The following CSMD3 variants were observed in gnomAD, a reference collection of about 807,000 sequenced individuals.
The protein encoded by CSMD3 is CUB and sushi domain-containing protein 3.
CSMD3 carries 177 observed loss-of-function variants against 435.2 expected under a neutral mutation model. That is an observed-to-expected ratio of 0.41 (90% CI 0.36 to 0.46). The LOEUF is 0.46. Among genes scored for constraint, CSMD3 ranks in the 20% least tolerant of loss-of-function variants. CSMD3 has a pLI of 0.34. For missense variants in CSMD3, 4,265 were observed against 4,504.6 expected (o/e 0.95, Z 1.52); for synonymous variants, 1,656 against 1,520.5 (o/e 1.09, Z -2.07).
chr8:113,112,991 C>G (rs971185736), intron 4 of CSMD3, among the ~76,000 whole-genome samples: 6 of 152,132 alleles, frequency 3.9e-5, no homozygotes, highest in South Asian at 2.1e-4. Flanking sequence ...ACAAAAAGGC[C>G]TATTTATCCC....
chr8:112,800,373 G>GA (rs773138854), intron 12 of CSMD3, 99 bp from the exon 13 acceptor site: 131 of 846,918 alleles, frequency 1.5e-4, no homozygotes, highest in Non-Finnish European at 2.3e-4. Flanking sequence ...TTCTTTGCTA[G>GA]AAAAAAAAGT....
intron 13 of CSMD3, among the ~76,000 whole-genome samples, chr8:112,760,248 T>TTTTTTTTA (rs766805098): frequency 3.3e-5 from 5 of 152,176 alleles, no homozygotes; most frequent in Non-Finnish European, 7.4e-5. Flanking sequence ...TGAATTAATA[T>TTTTTTTTA]GTACTTTTTA....
At chr8:113,090,372 ATT>A (rs1213674587) in intron 5 of CSMD3, among the ~76,000 whole-genome samples, 1 of 152,090 alleles carries the variant, frequency 6.6e-6, no homozygotes, top group Non-Finnish European at 1.5e-5. Flanking sequence ...AATTTGAAAT[ATT>A]TGTTTATTTA....
intron 27 of CSMD3, among the ~76,000 whole-genome samples, chr8:112,537,115 C>T (rs1044298726): frequency 1.3e-5 from 2 of 151,838 alleles, no homozygotes; most frequent in African/African-American, 4.8e-5. Flanking sequence ...CACATGTATA[C>T]ATACGTAACT....
At chr8:112,919,233 T>TTA (rs1031255098) in intron 10 of CSMD3, among the ~76,000 whole-genome samples, 3 of 151,800 alleles carry the variant, frequency 2.0e-5, no homozygotes, top group Non-Finnish European at 4.4e-5. Flanking sequence ...AATACATATG[T>TTA]TATATATATA....
chr8:113,357,058 A>T (rs1000729415), intron 1 of CSMD3, among the ~76,000 whole-genome samples: 4 of 152,210 alleles, frequency 2.6e-5, no homozygotes, highest in Non-Finnish European at 4.4e-5. Flanking sequence ...AAAAATATAT[A>T]TACATACATA....
intron 10 of CSMD3, among the ~76,000 whole-genome samples, chr8:112,892,637 C>T (rs183913249): frequency 6.6e-4 from 100 of 151,586 alleles, no homozygotes; most frequent in Non-Finnish European, 1.3e-3. Flanking sequence ...TTACTGTTCT[C>T]ACTGCTTGCT....
intron 5 of CSMD3, among the ~76,000 whole-genome samples, chr8:113,037,309 A>G (rs536392308): frequency 1.4e-4 from 22 of 152,184 alleles, no homozygotes; most frequent in African/African-American, 4.8e-4. Flanking sequence ...GAAATCACTA[A>G]TAATATCTGT....
At chr8:112,727,283 T>G (rs1016318158) in intron 13 of CSMD3, among the ~76,000 whole-genome samples, 17 of 151,854 alleles carry the variant, frequency 1.1e-4, no homozygotes, top group African/African-American at 3.9e-4. Context: ...GCGTCTGATT[T>G]TCCACAAACT....
chr8:112,885,130 C>T lies in CSMD3; in HGVS notation c.1634-25864G>A, dbSNP rs186586158. 1.4e-3 allele frequency among the ~76,000 whole-genome samples: 219 copies of T among 151,708 alleles called. 1 individual carries two copies. Among genetic ancestry groups the T allele is most frequent in the Non-Finnish European group, 1.9e-3 (128 of 67,830 alleles). On this transcript the variant is annotated intron_variant, in intron 10 of 70. Coordinates refer to ENST00000297405, the MANE Select transcript of CSMD3 (RefSeq NM_198123.2). ...CTGTGAGCCTCTTGAGGACAATTACCACATCTTATTCCTGACTGGTCCTTG... is the reference window on the plus strand; with the variant it reads ...CTGTGAGCCTCTTGAGGACAATTACTACATCTTATTCCTGACTGGTCCTTG...
chr8:113,091,776 T>C (rs893858556), intron 5 of CSMD3, among the ~76,000 whole-genome samples: 15 of 152,036 alleles, frequency 9.9e-5, no homozygotes, highest in African/African-American at 3.6e-4. Flanking sequence ...TTATTTCTAT[T>C]TCATTTATTT....
intron 5 of CSMD3, among the ~76,000 whole-genome samples, chr8:113,022,387 T>A (rs1197572332): frequency 6.6e-6 from 1 of 151,988 alleles, no homozygotes. Flanking sequence ...ACATTAACTA[T>A]ATGACAAATA....
chr8:112,554,408 T>C (rs1479257691), intron 25 of CSMD3, among the ~76,000 whole-genome samples: 1 of 152,008 alleles, frequency 6.6e-6, no homozygotes, highest in East Asian at 1.9e-4. Context: ...CCATTTATGG[T>C]TTTTCATTTT....
intron 17 of CSMD3, among the ~76,000 whole-genome samples, chr8:112,664,550 A>G (rs1374870067): frequency 6.6e-6 from 1 of 152,194 alleles, no homozygotes; most frequent in Non-Finnish European, 1.5e-5. Flanking sequence ...TGTAAATGAA[A>G]ATTTTTAAAA....
intron 22 of CSMD3, among the ~76,000 whole-genome samples, chr8:112,622,779 G>GT (rs1179995666): frequency 3.9e-5 from 6 of 152,142 alleles, no homozygotes; most frequent in African/African-American, 1.4e-4. Flanking sequence ...GATGATGATA[G>GT]TTTTTTGCAT....
At chr8:113,269,340 C>A (rs1415250435) in intron 3 of CSMD3, among the ~76,000 whole-genome samples, 2 of 152,080 alleles carry the variant, frequency 1.3e-5, no homozygotes, top group Non-Finnish European at 2.9e-5. Flanking sequence ...ATATTCCATG[C>A]TCATGGATAG....
rs1346670312 is a variant in CSMD3, at chr8:112,335,748, T to C, written c.7020-274A>G. Among the ~76,000 whole-genome samples the C allele has an allele frequency of 2.0e-5, 3 of 151,728 alleles. No homozygotes were observed. The East Asian group carries it at 5.8e-4, about 29-fold the overall frequency. ...AATACATTGTCTTTGTTTTTTTTTTTTTTTACCAAAACTCTGATGCTTTTA... is the reference window on the plus strand; with the variant it reads ...AATACATTGTCTTTGTTTTTTTTTTCTTTTACCAAAACTCTGATGCTTTTA... On this transcript the variant is annotated intron_variant, in intron 44 of 70. Coordinates refer to ENST00000297405, the MANE Select transcript of CSMD3 (RefSeq NM_198123.2).
At chr8:112,965,724 T>C (rs768305237) in intron 7 of CSMD3, among the ~76,000 whole-genome samples, 1 of 151,980 alleles carries the variant, frequency 6.6e-6, no homozygotes, top group Non-Finnish European at 1.5e-5. Context: ...TAAATGTGCA[T>C]AAACCCGTTA....
chr8:112,661,729 A>G (rs1331768355), intron 17 of CSMD3, among the ~76,000 whole-genome samples: 2 of 152,130 alleles, frequency 1.3e-5, no homozygotes, highest in African/African-American at 4.8e-5. Flanking sequence ...GAATAAAAGA[A>G]AATGTTATTT....
Sources: gnomAD v4.1 joint callset for allele counts (sites outside exome capture counted in the v4.1 genomes callset) on GRCh38, gnomAD v4.1.1 for gene constraint, MANE v1.5 for transcripts, NCBI Gene and HGNC (gene_info 2026-07-23, HGNC 2026-07-21) for gene names.